Variants in ARHGAP29 observed in about 807,000 individuals in gnomAD.
ARHGAP29 encodes the protein Rho GTPase activating protein 29.
Under a neutral mutation model 122.6 loss-of-function variants are expected in ARHGAP29, and 43 were observed. The observed-to-expected ratio is 0.35, with a 90% confidence interval of 0.27 to 0.45. The LOEUF is 0.45. Among genes scored for constraint, ARHGAP29 ranks in the 20% least tolerant of loss-of-function variants. The pLI, the probability that ARHGAP29 is intolerant of heterozygous loss-of-function variation, is 1.00. For synonymous variants in ARHGAP29, 506 were observed against 497.1 expected, an observed-to-expected ratio of 1.02 and a Z score of -0.24; for missense variants, 1,303 against 1,477.2, an observed-to-expected ratio of 0.88 and a Z score of 1.93.
At chr1:94,231,810 G>A (rs1364678532) in intron 1 of ARHGAP29, among the ~76,000 whole-genome samples, 167 bp from the exon 2 acceptor site, 2 of 152,054 alleles carry the variant, frequency 1.3e-5, no homozygotes, top group African/African-American at 4.8e-5. Flanking sequence ...ATCAATCACT[G>A]TATTATTGAT....
Position 94,229,684 on chromosome 1 carries a change from TCCATACATATC to T in ARHGAP29, c.205+1712_205+1722del, listed in dbSNP as rs566026867. On this transcript the variant is annotated intron_variant, in intron 2 of 22. Transcript: ENST00000260526. The stretch of plus-strand genomic sequence containing the variant: ...AAAATTAAATTTCAGTGTATGTATT[TCCATACATATC>T]CCTTTACCTCAGGGGGTAGTCTCTT... Among the ~76,000 whole-genome samples, 289 of 151,860 alleles carry T rather than the reference TCCATACATATC, an allele frequency of 1.9e-3. 1 individual carries two copies. The highest frequency in any genetic ancestry group is 3.4e-3 in the Non-Finnish European group (233 of 67,650).
chr1:94,179,380 G>T (rs1395807318), intron 20 of ARHGAP29, among the ~76,000 whole-genome samples: 1 of 152,058 alleles, frequency 6.6e-6, no homozygotes, highest in African/African-American at 2.4e-5. Context: ...CGGATCATGA[G>T]GTCAGGAGTT....
the ARHGAP29 span, among the ~76,000 whole-genome samples, chr1:94,310,892 G>A: frequency 5.3e-5 from 8 of 152,156 alleles, no homozygotes; most frequent in Admixed American, 4.6e-4. Flanking sequence ...CCCCATGCCT[G>A]CTGTTTTCTT....
chr1:94,271,462 A>G (rs1445972574), intron 1 of ARHGAP29, among the ~76,000 whole-genome samples: 1 of 152,166 alleles, frequency 6.6e-6, no homozygotes, highest in Non-Finnish European at 1.5e-5. Flanking sequence ...TTTGATAGAC[A>G]TATTTATTTT....
At chr1:94,204,190 G>A (rs1456349600) in intron 7 of ARHGAP29, among the ~76,000 whole-genome samples, 196 bp from the exon 8 acceptor site, 3 of 148,814 alleles carry the variant, frequency 2.0e-5, no homozygotes, top group Non-Finnish European at 3.0e-5. Context: ...CTACGTTGCC[G>A]AGGCTGGTCT....
At chr1:94,186,863 GGTAA>G (rs1649835829) in intron 15 of ARHGAP29, among the ~76,000 whole-genome samples, 1 of 152,048 alleles carries the variant, frequency 6.6e-6, no homozygotes, top group African/African-American at 2.4e-5. Context: ...AACTTCTGAT[GGTAA>G]GTATTAGAGA....
At chr1:94,184,315 CA>C in intron 18 of ARHGAP29, 27 bp from the exon 19 acceptor site, 2 of 1,562,920 alleles carry the variant, frequency 1.3e-6, no homozygotes, top group Non-Finnish European at 1.7e-6. Context: ...AAAAATTTTG[CA>C]AAATTCTTCT....
chr1:94,183,750 T>C (rs1200047415), intron 19 of ARHGAP29, among the ~76,000 whole-genome samples: 1 of 152,202 alleles, frequency 6.6e-6, no homozygotes, highest in Non-Finnish European at 1.5e-5. Context: ...CACAGCTAGA[T>C]TTATGCTTTC....
chr1:94,300,152 G>C, the ARHGAP29 span, among the ~76,000 whole-genome samples: 1 of 152,182 alleles, frequency 6.6e-6, no homozygotes, highest in Non-Finnish European at 1.5e-5. Flanking sequence ...GCTGGAGGCT[G>C]TCTTGCTTCT....
At chr1:94,230,119 A>G (rs907131384) in intron 2 of ARHGAP29, among the ~76,000 whole-genome samples, 1 of 151,770 alleles carries the variant, frequency 6.6e-6, no homozygotes, top group African/African-American at 2.4e-5. Context: ...CTGCATATCA[A>G]GAAGTATACA....
rs762428992 is a variant in ARHGAP29 at position 94,169,258 on chromosome 1, T to C, written c.*4611A>G. 2.6e-4 allele frequency among the ~76,000 whole-genome samples: 39 copies of C among 152,312 alleles called. No individual in the cohort carries two copies. The highest frequency in any genetic ancestry group is 9.4e-4 in the African/African-American group (39 of 41,578). ...ACAGGAGCCTAGGATTCCAATGGTG[T>C]GCTCAGGACTGACATCACTGGGGTC... is the stretch of plus-strand genomic sequence containing the variant. On this transcript the variant is annotated 3_prime_UTR_variant, in exon 23 of 23. Transcript: ENST00000260526.
At chr1:94,277,258 T>C (rs1655226737), upstream of ARHGAP29, among the ~76,000 whole-genome samples, 3 of 152,180 alleles carry the variant, frequency 2.0e-5, no homozygotes, top group South Asian at 6.2e-4. Context: ...AAGATCTTGT[T>C]CCTAGGAAAT....
chr1:94,288,637 C>T, the ARHGAP29 span, among the ~76,000 whole-genome samples: 1 of 152,286 alleles, frequency 6.6e-6, no homozygotes, highest in African/African-American at 2.4e-5. Context: ...TTAGGTACTA[C>T]ATTTAAGTCT....
intron 1 of ARHGAP29, among the ~76,000 whole-genome samples, chr1:94,253,646 AC>A (rs1654206857): frequency 6.6e-6 from 1 of 150,826 alleles, no homozygotes; most frequent in African/African-American, 2.5e-5. Context: ...ACACGCACGC[AC>A]GCACGCACGC....
At chr1:94,269,092 CT>C (rs1237492027) in intron 1 of ARHGAP29, among the ~76,000 whole-genome samples, 2 of 152,238 alleles carry the variant, frequency 1.3e-5, no homozygotes, top group South Asian at 4.1e-4. Flanking sequence ...AAAGAAATAG[CT>C]ATTTCATCAC....
upstream of ARHGAP29, among the ~76,000 whole-genome samples, chr1:94,275,736 G>A (rs11165105): frequency 0.23 from 35,157 of 152,006 alleles, 4,299 homozygotes; most frequent in East Asian, 0.46. Flanking sequence ...TAAAAAAAAG[G>A]AACATACGAA....
chr1:94,264,608 A>G (rs1206478016), intron 1 of ARHGAP29, among the ~76,000 whole-genome samples: 4 of 151,838 alleles, frequency 2.6e-5, no homozygotes, highest in African/African-American at 9.7e-5. Flanking sequence ...CATCAAGCTG[A>G]TATTTGCTTT....
At chr1:94,239,732 A>G (rs551919649), upstream of ARHGAP29, among the ~76,000 whole-genome samples, 27 of 149,432 alleles carry the variant, frequency 1.8e-4, no homozygotes, top group Non-Finnish European at 3.3e-4. Context: ...CTCACATGCA[A>G]ACAGTTCTGG....
At chr1:94,296,986 C>T in the ARHGAP29 span, among the ~76,000 whole-genome samples, 7 of 152,246 alleles carry the variant, frequency 4.6e-5, no homozygotes, top group African/African-American at 1.7e-4. Context: ...TCTATTGAGA[C>T]ATAGTGCAGG....
Sources: allele counts gnomAD v4.1 joint callset (sites outside exome capture counted in the v4.1 genomes callset), GRCh38; gene constraint gnomAD v4.1.1; transcripts MANE v1.5; gene names NCBI Gene and HGNC (gene_info 2026-07-23, HGNC 2026-07-21).